ZKSCAN2: variants seen among roughly 807,000 people sequenced by gnomAD.
ZKSCAN2 encodes zinc finger protein with KRAB and SCAN domains 2.
Under a neutral mutation model 90.5 loss-of-function variants are expected in ZKSCAN2, and 38 were observed. The observed-to-expected ratio is 0.42, with a 90% CI of 0.32 to 0.55. The LOEUF (loss-of-function observed/expected upper bound fraction) is 0.55, where lower values mean the gene tolerates loss of function less well. Ranked by LOEUF, ZKSCAN2 falls within the 20% of genes least tolerant of loss-of-function variation. ZKSCAN2 has a pLI of 0.11. For synonymous variants in ZKSCAN2, 429 were observed against 421.6 expected (o/e 1.02, Z -0.22); for missense variants, 1,167 against 1,202.6 (o/e 0.97, Z 0.44).
chr16:25,255,176 A>G, intron 2 of ZKSCAN2, 30 bp downstream of exon 2: 2 of 1,576,654 alleles, frequency 1.3e-6, no homozygotes, highest in Non-Finnish European at 1.7e-6. Context: ...CAGCCTCTGC[A>G]CTAGGCGTGC....
intron 1 of ZKSCAN2, 136 bp downstream of exon 1, chr16:25,256,593 G>A (rs1389919168): frequency 9.2e-6 from 8 of 873,832 alleles, no homozygotes; most frequent in Admixed American, 2.8e-5. Context: ...AAAGTGAAAA[G>A]ACCCCCTTAT....
rs761321272 is a variant in ZKSCAN2, at chr16:25,239,875, G to C, written c.2845C>G (p.Leu949Val). Reference protein sequence around the residue: ...REKPLPHPPSLYCPENPHKGK... With the variant: ...REKPLPHPPSVYCPENPHKGK... Reference sequence around the variant, plus strand: ...TTATGTGGGTTCTCAGGGCAATACAGAGATGGAGGGTGTGGCAGAGGCTTT... The same window carrying C: ...TTATGTGGGTTCTCAGGGCAATACACAGATGGAGGGTGTGGCAGAGGCTTT... Residue 949 changes from leucine (L) to valine (V), a missense_variant, in exon 7 of 7, where the codon CTG (leucine) becomes GTG (valine). Transcript: ENST00000328086. 6.2e-7 allele frequency: 1 copy of C among 1,613,740 alleles called. No homozygotes were observed. The highest frequency in any genetic ancestry group is 2.2e-5 in the East Asian group (1 of 44,886).
At chr16:25,249,476 G>A (rs531072477) in intron 4 of ZKSCAN2, among the ~76,000 whole-genome samples, 2 of 152,130 alleles carry the variant, frequency 1.3e-5, no homozygotes, top group Admixed American at 1.3e-4. Context: ...TAGAGATGGG[G>A]TTTTACTATG....
In ZKSCAN2 at chr16:25,236,395, G is replaced by C. The variant is rs986254855; in HGVS notation, c.*3421C>G. Reference sequence around the variant, plus strand: ...CACAGCATCCCCTCCCTTTCCTGAAGCATGCGATGGATTTGGTATGGCCAG... The same window carrying C: ...CACAGCATCCCCTCCCTTTCCTGAACCATGCGATGGATTTGGTATGGCCAG... On this transcript the variant is annotated 3_prime_UTR_variant, in exon 7 of 7. Coordinates refer to ENST00000328086, the MANE Select transcript of ZKSCAN2 (RefSeq NM_001012981.5). 6.6e-6 allele frequency: 1 copy of C among 152,362 alleles called. No individual in the cohort carries two copies. The highest frequency in any genetic ancestry group is 1.5e-5 in the Non-Finnish European group (1 of 68,140). The allele number at this position is 152,362 out of a possible 1,614,324, so 9.4% of individuals were successfully genotyped here.
At chr16:25,247,903 C>A (rs1962958610) in intron 4 of ZKSCAN2, among the ~76,000 whole-genome samples, 1 of 152,094 alleles carries the variant, frequency 6.6e-6, no homozygotes, top group African/African-American at 2.4e-5. Flanking sequence ...AAAACAGACA[C>A]AAAGACCAGT....
At chr16:25,255,414 A>G (rs781331063) in intron 1 of ZKSCAN2, 22 bp from the exon 2 acceptor site, 4 of 1,599,672 alleles carry the variant, frequency 2.5e-6, no homozygotes, top group Non-Finnish European at 3.4e-6. Context: ...AGTCAATACC[A>G]TAAGAGGGAG....
At chr16:25,252,105 A>G (rs1963029873) in intron 3 of ZKSCAN2, 70 bp from the exon 4 acceptor site, 2 of 1,578,020 alleles carry the variant, frequency 1.3e-6, no homozygotes, top group East Asian at 4.6e-5. Context: ...GCAATCACAG[A>G]TGAGGCAGAG....
Position 25,257,277 on chromosome 16 carries a change from TAATCA to T in ZKSCAN2, c.-155_-151del, listed in dbSNP as rs899939957. 3 of 1,464,184 alleles carry T rather than the reference TAATCA, an allele frequency of 2.0e-6. No individual in the cohort carries two copies. The Admixed American group carries it at 7.8e-5, about 38-fold the overall frequency. The allele number at this position is 1,464,184 out of a possible 1,614,324, so 90.7% of individuals were successfully genotyped here. On this transcript the variant is annotated 5_prime_UTR_variant, in exon 1 of 7. An upstream open reading frame in the 5' UTR loses its in-frame stop. Coordinates refer to ENST00000328086, the MANE Select transcript of ZKSCAN2 (RefSeq NM_001012981.5). ...CAGGAACAGGGTATTCCAGGCTGAT[TAATCA>T]AATCTATGCCAGGCCCTTGAAAAGG...
In ZKSCAN2 at chr16:25,255,222, C is replaced by A. The variant is rs1597647710; in HGVS notation, c.570G>T (p.Arg190=). The change falls in exon 2 of 7, where the codon CGG becomes CGT. Residue 190 remains arginine (R), a synonymous_variant. Transcript: ENST00000328086. ...CCCTCTTACCATTCTTGGGTAAGGG[C>A]CGACGTTCTCGCTTTCGGTTCAGCT... ...QEQLNRKRER[R]PLPKNARPSP... The A allele has an allele frequency of 6.2e-7, 1 of 1,607,222 alleles. No individual in the cohort carries two copies. The highest frequency in any genetic ancestry group is 1.3e-5 in the African/African-American group (1 of 74,488).
Position 25,247,160 on chromosome 16 carries a change from C to T in ZKSCAN2, c.1036G>A (p.Glu346Lys). ...EKIAGVHWSY[E>K]ETKTFLAILK... is the part of the protein sequence containing the mutation. ...ATTGCCAGGAAAGTCTTTGTTTCCT[C>T]ATAGCTCCAATGCACACCTGCTATC... The change falls in exon 5 of 7, where the codon GAG becomes AAG. Residue 346 changes from glutamate (E) to lysine (K), a missense_variant. Transcript: ENST00000328086. The T allele has an allele frequency of 1.2e-6, 2 of 1,614,202 alleles. No individual in the cohort carries two copies. Among genetic ancestry groups the T allele is most frequent in the South Asian group, 2.2e-5 (2 of 91,084 alleles).
At position 25,246,900 on chromosome 16, in the gene ZKSCAN2, A is replaced by G. The variant is rs201688749; in HGVS notation, c.1296T>C (p.Ala432=). 6.2e-7 allele frequency: 1 copy of G among 1,614,184 alleles called. No homozygotes were observed. Among genetic ancestry groups the G allele is most frequent in the East Asian group, 2.2e-5 (1 of 44,884 alleles). ...TCTCCTTTGGTTTATCAGTGGACGGAGCACGGGCTGCAGGGTTCAACAAAG... is the reference window on the plus strand; with the variant it reads ...TCTCCTTTGGTTTATCAGTGGACGGGGCACGGGCTGCAGGGTTCAACAAAG... ...MDALLNPAAR[A]PSTDKPKEMI... The change falls in exon 5 of 7, where the codon GCT becomes GCC. Residue 432 remains alanine, a synonymous_variant. Coordinates refer to ENST00000328086, the MANE Select transcript of ZKSCAN2 (RefSeq NM_001012981.5).
chr16:25,244,881 T>G (rs113784579), intron 5 of ZKSCAN2, among the ~76,000 whole-genome samples: 2,120 of 152,326 alleles, frequency 0.014, 27 homozygotes, highest in Non-Finnish European at 0.021. Flanking sequence ...AGAATAAAAC[T>G]TTTCAGGGCA....
rs755990861 is a variant in ZKSCAN2 at position 25,240,003 on chromosome 16, C to T, written c.2717G>A (p.Arg906Gln). 124 of 1,613,968 alleles carry T rather than the reference C, an allele frequency of 7.7e-5. No homozygotes were observed. Among genetic ancestry groups the T allele is most frequent in the Middle Eastern group, 1.7e-4 (1 of 6,060 alleles). ...GGGCTTCTCTCCAGTGTGTATTCTC[C>T]GATGTTCTCGAAATCTCGTACAGTT... Reference protein sequence around the residue: ...FNNCTRFREHRRIHTGEKPYG... With the variant: ...FNNCTRFREHQRIHTGEKPYG... Residue 906 changes from arginine (R) to glutamine (Q), a missense_variant, in exon 7 of 7, where the codon CGG (arginine) becomes CAG (glutamine). By Grantham distance (43) the Arg-to-Gln change is conservative. Coordinates refer to ENST00000328086, the MANE Select transcript of ZKSCAN2 (RefSeq NM_001012981.5).
chr16:25,247,721 T>C (rs1239081218), intron 4 of ZKSCAN2, among the ~76,000 whole-genome samples: 1 of 152,246 alleles, frequency 6.6e-6, no homozygotes, highest in East Asian at 1.9e-4. Flanking sequence ...CAGTATTTGT[T>C]ACTTGTAAAA....
rs746274262 is a variant in ZKSCAN2 at position 25,256,680 on chromosome 16, T to G, written c.399+49A>C. 9 of 1,559,936 alleles carry G rather than the reference T, an allele frequency of 5.8e-6. No homozygotes were observed. The South Asian group carries it at 9.9e-5, about 17-fold the overall frequency. On this transcript the variant is annotated intron_variant, in intron 1 of 6. Transcript: ENST00000328086. ...CAATACATCCCTGCCCACATGCCTT[T>G]CCCATTCCCTTTTTTCTAAGTACAA...
At chr16:25,250,076 C>T (rs1281112915) in intron 4 of ZKSCAN2, among the ~76,000 whole-genome samples, 2 of 152,084 alleles carry the variant, frequency 1.3e-5, no homozygotes, top group Non-Finnish European at 2.9e-5. Flanking sequence ...TTTGGGAGGC[C>T]AAGGTAGGTG....
chr16:25,251,549 G>A (rs907371623), intron 4 of ZKSCAN2, among the ~76,000 whole-genome samples: 6 of 152,132 alleles, frequency 3.9e-5, no homozygotes, highest in African/African-American at 7.2e-5. Flanking sequence ...TGAACATGTC[G>A]TAATTTGAAT....
At chr16:25,243,666 G>A (rs1962886393) in intron 6 of ZKSCAN2, 119 bp downstream of exon 6, 1 of 1,233,378 alleles carries the variant, frequency 8.1e-7, no homozygotes, top group Non-Finnish European at 1.1e-6. Context: ...AGTAGCACAG[G>A]CACTCAAATA....
rs1249179705 is a variant in ZKSCAN2 at position 25,255,301 on chromosome 16, G to A, written c.491C>T (p.Pro164Leu). Residue 164 changes from proline (P) to leucine (L), a missense_variant, in exon 2 of 7, where the codon CCC (proline) becomes CTC (leucine). Coordinates refer to ENST00000328086, the MANE Select transcript of ZKSCAN2 (RefSeq NM_001012981.5). ...AGGTTCCTCCCGAGACACCGCCCTGGGTTGGGTCTCCACCTGCTCTGGCTG... is the reference window on the plus strand; with the variant it reads ...AGGTTCCTCCCGAGACACCGCCCTGAGTTGGGTCTCCACCTGCTCTGGCTG... ...DFQPEQVETQ[P>L]RAVSREEPGS... The A allele has an allele frequency of 6.2e-7, 1 of 1,613,728 alleles. No individual in the cohort carries two copies. Among genetic ancestry groups the A allele is most frequent in the African/African-American group, 1.3e-5 (1 of 74,878 alleles).
Sources: gnomAD v4.1 joint callset for allele counts (sites outside exome capture counted in the v4.1 genomes callset) on GRCh38, gnomAD v4.1.1 for gene constraint, MANE v1.5 for transcripts, NCBI Gene and HGNC (gene_info 2026-07-23, HGNC 2026-07-21) for gene names.